The following ACSF2 variants were observed in gnomAD, a reference collection of about 807,000 sequenced individuals.
ACSF2 encodes medium-chain acyl-CoA ligase ACSF2, mitochondrial.
A neutral mutation model predicts 79.3 loss-of-function variants in ACSF2; 52 were observed. That is an observed-to-expected ratio of 0.66 (90% CI 0.53 to 0.83). ACSF2 has a LOEUF of 0.83. ACSF2 is among the 40% of genes least tolerant of loss of function. The pLI is 0.00. For synonymous variants in ACSF2, 283 were observed against 312.6 expected (o/e 0.91, Z 1.00); for missense variants, 661 against 803.3 (o/e 0.82, Z 2.14).
At chr17:50,456,151 A>G (rs1176494741) in intron 1 of ACSF2, among the ~76,000 whole-genome samples, 1 of 152,162 alleles carries the variant, frequency 6.6e-6, no homozygotes, top group Non-Finnish European at 1.5e-5. Context: ...TTTCCCCTTT[A>G]GAAATGCCTG....
chr17:50,473,513 A>C (rs2033209433), intron 12 of ACSF2, 152 bp from the exon 13 acceptor site: 2 of 1,065,568 alleles, frequency 1.9e-6, no homozygotes, highest in Non-Finnish European at 2.7e-6. Context: ...TGGACTATTA[A>C]TTCCAGAGAC....
chr17:50,434,956 C>T (rs1369319373), intron 1 of ACSF2, among the ~76,000 whole-genome samples: 6 of 152,024 alleles, frequency 3.9e-5, no homozygotes, highest in Admixed American at 1.3e-4. Context: ...TCACAACCTC[C>T]GCCTCCCAGG....
chr17:50,465,910 C>A, intron 10 of ACSF2: 1 of 1,610,768 alleles, frequency 6.2e-7, no homozygotes, highest in South Asian at 1.1e-5. Context: ...GCAAGGTGGT[C>A]ATGAGTGAAT....
chr17:50,434,093 C>T (rs575558491), intron 1 of ACSF2, among the ~76,000 whole-genome samples: 19 of 151,816 alleles, frequency 1.3e-4, no homozygotes, highest in African/African-American at 4.6e-4. Context: ...GTGGGAGGAT[C>T]GCTTGAGCCC....
rs1385038966 is a variant in ACSF2, at chr17:50,462,587, T to C, written c.792+2T>C. 1 of 1,612,326 alleles carries C rather than the reference T, an allele frequency of 6.2e-7. No individual in the cohort carries two copies. The highest frequency in any genetic ancestry group is 8.5e-7 in the Non-Finnish European group (1 of 1,178,720). On this transcript the variant is annotated splice_donor_variant, in intron 6 of 15. Transcript: ENST00000300441. LOFTEE classifies it high-confidence loss of function. ...CCCATCAACATCCAGTTCACCTCGG[T>C]AGGGCAGAGGTCTCCAGGCCCCAAG...
chr17:50,470,831 A>G (rs191828176), intron 10 of ACSF2, 197 bp from the exon 11 acceptor site: 256 of 548,122 alleles, frequency 4.7e-4, no homozygotes, highest in Non-Finnish European at 7.7e-4. Flanking sequence ...GGGGCCCTGC[A>G]GAGATCTAGT....
intron 12 of ACSF2, chr17:50,473,394 C>G (rs962875505): frequency 4.7e-6 from 2 of 423,530 alleles, no homozygotes; most frequent in African/African-American, 3.9e-5. Flanking sequence ...GACATTTGAG[C>G]TGAGACCTGG....
intron 10 of ACSF2, 67 bp downstream of exon 10, chr17:50,464,361 T>C: frequency 6.8e-7 from 1 of 1,472,952 alleles, no homozygotes; most frequent in Non-Finnish European, 9.5e-7. Flanking sequence ...TGGACAGACA[T>C]GGGGATGAGT....
chr17:50,449,443 C>T (rs2031523509), intron 1 of ACSF2, among the ~76,000 whole-genome samples: 2 of 150,372 alleles, frequency 1.3e-5, no homozygotes, highest in South Asian at 4.2e-4. Flanking sequence ...CTCGCTTTGT[C>T]ACCCAGGCTG....
intron 1 of ACSF2, among the ~76,000 whole-genome samples, chr17:50,430,417 C>T (rs187701741): frequency 2.2e-4 from 34 of 152,286 alleles, no homozygotes; most frequent in Admixed American, 5.9e-4. Context: ...CCTGTAATCC[C>T]GGCACTTTGG....
intron 10 of ACSF2, chr17:50,464,545 C>A: frequency 4.7e-6 from 3 of 637,700 alleles, no homozygotes; most frequent in Non-Finnish European, 8.7e-6. Context: ...GAAGAAATTG[C>A]AGCATGGGAA....
chr17:50,448,061 C>T (rs1170018626), intron 1 of ACSF2, among the ~76,000 whole-genome samples: 1 of 152,226 alleles, frequency 6.6e-6, no homozygotes, highest in Non-Finnish European at 1.5e-5. Context: ...AACGGGAACA[C>T]ATTCTGAGAA....
chr17:50,426,315 G>A lies in ACSF2; in HGVS notation c.54G>A (p.Ser18=), dbSNP rs189328884. The A allele has an allele frequency of 4.8e-5, 68 of 1,412,592 alleles. No homozygotes were observed. In the African/African-American group the frequency reaches 9.0e-4, roughly 19 times the overall value. The allele number at this position is 1,412,592 out of a possible 1,614,324, so 87.5% of individuals were successfully genotyped here. A position where few individuals can be genotyped will look rare whatever the true frequency, so the allele number is the denominator to read the frequency against. ...TGGGGAGGCTGTGCGCCGGGAGCTC[G>A]GGGGTGCTGGGGGCCCGGGCCGCCC... ...LRLGRLCAGS[S]GVLGARAALS... Residue 18 remains serine (S), a synonymous_variant, in exon 1 of 16, where the codon TCG becomes TCA. Transcript: ENST00000300441.
At chr17:50,427,050 C>T in intron 1 of ACSF2, 1 of 1,473,822 alleles carries the variant, frequency 6.8e-7, no homozygotes, top group Non-Finnish European at 9.1e-7. Flanking sequence ...TGTGAAAGTG[C>T]TTGAGACACA....
At chr17:50,457,813 G>T (rs1013728689) in intron 1 of ACSF2, among the ~76,000 whole-genome samples, 1 of 152,158 alleles carries the variant, frequency 6.6e-6, no homozygotes, top group African/African-American at 2.4e-5. Flanking sequence ...GCTCACTAAA[G>T]CTTGCTTGAA....
At chr17:50,470,992 T>G (rs1363748021) in intron 10 of ACSF2, 36 bp from the exon 11 acceptor site, 2 of 1,509,324 alleles carry the variant, frequency 1.3e-6, no homozygotes, top group East Asian at 2.3e-5. Context: ...CTGCACGTGC[T>G]GAGCCCTCTT....
intron 1 of ACSF2, among the ~76,000 whole-genome samples, chr17:50,440,896 G>T (rs549207624): frequency 1.3e-5 from 2 of 152,252 alleles, no homozygotes; most frequent in Admixed American, 1.3e-4. Flanking sequence ...CAAAGAAAAA[G>T]AATCAGATAC....
chr17:50,451,393 A>G (rs1031570137), intron 1 of ACSF2, among the ~76,000 whole-genome samples: 1 of 152,206 alleles, frequency 6.6e-6, no homozygotes, highest in African/African-American at 2.4e-5. Context: ...TCCCACTAGC[A>G]ATATATAAGG....
rs982276480 is a variant in ACSF2, at chr17:50,471,369, C to T, written c.1323+234C>T. 2.3e-5 allele frequency: 12 copies of T among 527,644 alleles called. No individual in the cohort carries two copies. The highest frequency in any genetic ancestry group is 1.5e-4 in the South Asian group (7 of 46,864). 32.7% of individuals were successfully genotyped at this position (527,644 alleles called of 1,614,324 possible). Reference sequence around the variant, plus strand: ...AGCGGCTGCCAGCTGAACTTCTCCGCGGCCTCCCTTCCTGTCTGAGGTGTG... The same window carrying T: ...AGCGGCTGCCAGCTGAACTTCTCCGTGGCCTCCCTTCCTGTCTGAGGTGTG... On this transcript the variant is annotated intron_variant, in intron 11 of 15. Coordinates refer to ENST00000300441, the MANE Select transcript of ACSF2 (RefSeq NM_025149.6). This position sits in a 1 kb window ranked among gnomAD's most constrained non-coding sequence, Gnocchi z 4.1.
Sources: gnomAD v4.1 joint callset for allele counts (sites outside exome capture counted in the v4.1 genomes callset) on GRCh38, gnomAD v4.1.1 for gene constraint, Gnocchi (gnomAD v3.1) non-coding constraint, MANE v1.5 for transcripts, NCBI Gene and HGNC (gene_info 2026-07-23, HGNC 2026-07-21) for gene names.